The following RAPGEF4 variants were observed in gnomAD, a reference collection of about 807,000 sequenced individuals.
The protein encoded by RAPGEF4 is Rap guanine nucleotide exchange factor 4, also known as RAP guanine-nucleotide-exchange factor (GEF) 4.
A neutral mutation model predicts 147.9 loss-of-function variants in RAPGEF4; 66 were observed. That is an observed-to-expected ratio of 0.45 (90% CI 0.37 to 0.55). The LOEUF is 0.55. RAPGEF4 is among the 20% of genes least tolerant of loss of function. The probability of loss-of-function intolerance (pLI) is 0.00; values close to 1 mark genes in which losing one functional copy is unlikely to be tolerated. For missense variants in RAPGEF4, 1,071 were observed against 1,257.3 expected, an observed-to-expected ratio of 0.85 and a Z score of 2.24; for synonymous variants, 419 against 442.7, an observed-to-expected ratio of 0.95 and a Z score of 0.67.
rs1468847875 is a variant in RAPGEF4 at position 173,036,498 on chromosome 2, GA to G, written c.2789-128del. The G allele has an allele frequency of 2.0e-5, 15 of 737,944 alleles. No homozygotes were observed. The African/African-American group carries it at 2.5e-4, about 12-fold the overall frequency. 45.7% of individuals were successfully genotyped at this position (737,944 alleles called of 1,614,324 possible). A position where few individuals can be genotyped will look rare whatever the true frequency, so the allele number is the denominator to read the frequency against. On this transcript the variant is annotated intron_variant, in intron 28 of 30. Transcript: ENST00000397081. ...AAAAGTTAAACACCTAGCATTAAAG[GA>G]ACTATTAACAGCTTTTTTCAACTGT...
intron 6 of RAPGEF4, among the ~76,000 whole-genome samples, chr2:172,938,973 A>G (rs12986495): frequency 0.31 from 47,247 of 152,110 alleles, 8,053 homozygotes; most frequent in Middle Eastern, 0.41. Context: ...TTAAGATTCA[A>G]TGTCCTTGCA....
chr2:172,891,407 C>T (rs1188447680), intron 4 of RAPGEF4, among the ~76,000 whole-genome samples: 1 of 152,162 alleles, frequency 6.6e-6, no homozygotes, highest in Non-Finnish European at 1.5e-5. Context: ...GTCTCCTTTT[C>T]CTTCTCCTTC....
chr2:172,988,764 T>A lies in RAPGEF4; in HGVS notation c.1299T>A (p.Ala433=), dbSNP rs986170780. Reference sequence around the variant, plus strand: ...CACTAGTGAATGATGCCCCACGAGCTGCCTCTATCGTCTTACGAGAAGATA... The same window carrying A: ...CACTAGTGAATGATGCCCCACGAGCAGCCTCTATCGTCTTACGAGAAGATA... ...KLALVNDAPR[A]ASIVLREDNC... Residue 433 remains alanine, a synonymous_variant, in exon 14 of 31, where the codon GCT becomes GCA. Coordinates refer to ENST00000397081, the MANE Select transcript of RAPGEF4 (RefSeq NM_007023.4). 1.2e-6 allele frequency: 2 copies of A among 1,612,364 alleles called. No homozygotes were observed. The highest frequency in any genetic ancestry group is 2.7e-5 in the African/African-American group (2 of 74,912).
chr2:172,783,213 C>T (rs988090822), intron 1 of RAPGEF4, among the ~76,000 whole-genome samples: 3 of 152,144 alleles, frequency 2.0e-5, no homozygotes, highest in South Asian at 2.1e-4. Flanking sequence ...ATTCATCCAT[C>T]GGCCGAGGAC....
At chr2:173,023,457 C>T (rs376948656) in intron 23 of RAPGEF4, among the ~76,000 whole-genome samples, 20 of 152,316 alleles carry the variant, frequency 1.3e-4, no homozygotes, top group Middle Eastern at 3.4e-3. Context: ...CCCAAGGAGG[C>T]GCTTCCTCTG....
intron 1 of RAPGEF4, among the ~76,000 whole-genome samples, chr2:172,770,804 T>G (rs1316379949): frequency 6.6e-6 from 1 of 152,154 alleles, no homozygotes; most frequent in Non-Finnish European, 1.5e-5. Flanking sequence ...CCAACTAATA[T>G]GCGGTATTGG....
chr2:172,917,666 A>G (rs1684216693), intron 4 of RAPGEF4, 136 bp from the exon 5 acceptor site: 1 of 748,940 alleles, frequency 1.3e-6, no homozygotes, highest in Non-Finnish European at 2.3e-6. Flanking sequence ...ACCCCGGAGA[A>G]CACGTTTCAT....
At chr2:172,836,900 C>T (rs1691000546) in intron 4 of RAPGEF4, among the ~76,000 whole-genome samples, 1 of 152,156 alleles carries the variant, frequency 6.6e-6, no homozygotes, top group Non-Finnish European at 1.5e-5. Context: ...AATTGAGAAA[C>T]ATTGTTAGAG....
At chr2:172,852,355 G>A (rs539816157) in intron 4 of RAPGEF4, among the ~76,000 whole-genome samples, 128 of 152,204 alleles carry the variant, frequency 8.4e-4, no homozygotes, top group African/African-American at 3.0e-3. Context: ...TTGATGAATT[G>A]TCAATAAGTT....
intron 4 of RAPGEF4, among the ~76,000 whole-genome samples, chr2:172,914,873 G>T (rs1015049232): frequency 1.3e-5 from 2 of 152,202 alleles, no homozygotes; most frequent in African/African-American, 4.8e-5. Flanking sequence ...TGTTATGAGT[G>T]AGGTTCTGCA....
rs757861569 is a variant in RAPGEF4 at position 172,795,021 on chromosome 2, A to G, written c.66-4A>G. 54 of 1,613,348 alleles carry G rather than the reference A, an allele frequency of 3.3e-5. No homozygotes were observed. The highest frequency in any genetic ancestry group is 4.3e-5 in the Non-Finnish European group (51 of 1,179,716). On this transcript the variant is annotated splice_region_variant and splice_polypyrimidine_tract_variant and intron_variant, in intron 1 of 30. Transcript: ENST00000397081. ...TAGCTTTTGTGCCTTTTCTCCCTAT[A>G]CAGACCACTGGAGCGATCCAGCGAA... is the stretch of plus-strand genomic sequence containing the variant.
chr2:172,911,526 T>G (rs187752829), intron 4 of RAPGEF4, among the ~76,000 whole-genome samples: 3 of 152,214 alleles, frequency 2.0e-5, no homozygotes, highest in Admixed American at 2.0e-4. Flanking sequence ...TGGTGCAACC[T>G]CAGCTCACTG....
At chr2:172,799,391 C>G (rs906756124) in intron 3 of RAPGEF4, among the ~76,000 whole-genome samples, 1 of 152,170 alleles carries the variant, frequency 6.6e-6, no homozygotes, top group Non-Finnish European at 1.5e-5. Context: ...TTCACCACTG[C>G]TCTCCACCAT....
chr2:172,861,075 C>T (rs1693986854), intron 4 of RAPGEF4, among the ~76,000 whole-genome samples: 2 of 152,148 alleles, frequency 1.3e-5, no homozygotes, highest in Admixed American at 6.5e-5. Context: ...ATTATCGAGA[C>T]TATGAATGGG....
At chr2:172,753,147 T>C (rs1695445727) in intron 1 of RAPGEF4, among the ~76,000 whole-genome samples, 1 of 152,164 alleles carries the variant, frequency 6.6e-6, no homozygotes. Flanking sequence ...GAATAAAAAA[T>C]GGACATTACT....
At chr2:172,815,603 A>G (rs1370855024) in intron 4 of RAPGEF4, among the ~76,000 whole-genome samples, 4 of 152,258 alleles carry the variant, frequency 2.6e-5, no homozygotes, top group African/African-American at 9.6e-5. Context: ...CAAATAAGCC[A>G]CTTTTTGGAT....
chr2:172,772,405 G>A (rs895702999), intron 1 of RAPGEF4, among the ~76,000 whole-genome samples: 5 of 151,564 alleles, frequency 3.3e-5, no homozygotes, highest in East Asian at 1.9e-4. Context: ...GTGCAGTGGC[G>A]CAATCTTGGC....
intron 4 of RAPGEF4, among the ~76,000 whole-genome samples, chr2:172,863,410 A>T (rs1468716696): frequency 1.3e-5 from 2 of 152,234 alleles, no homozygotes; most frequent in Non-Finnish European, 1.5e-5. Context: ...TTTTTCCCAG[A>T]CAAGACCCAC....
At chr2:173,034,873 AACACACACACACACACACACAC>A (rs34646146) in intron 27 of RAPGEF4, among the ~76,000 whole-genome samples, 2 of 140,846 alleles carry the variant, frequency 1.4e-5, no homozygotes, top group African/African-American at 5.3e-5. Flanking sequence ...ACCCCGTCTC[AACACACACACACACACACACAC>A]ACACACACAC....
Sources: gnomAD v4.1 joint callset for allele counts (sites outside exome capture counted in the v4.1 genomes callset) on GRCh38, gnomAD v4.1.1 for gene constraint, MANE v1.5 for transcripts, NCBI Gene and HGNC (gene_info 2026-07-23, HGNC 2026-07-21) for gene names.